ATP2B2: variants seen among roughly 807,000 people sequenced by gnomAD.
ATP2B2 encodes ATPase plasma membrane Ca2+ transporting 2.
Under a neutral mutation model 120.0 loss-of-function variants are expected in ATP2B2, and 15 were observed. The observed-to-expected ratio is 0.12, with a 90% CI of 0.08 to 0.19. The LOEUF (loss-of-function observed/expected upper bound fraction) is 0.19, where lower values mean the gene tolerates loss of function less well. ATP2B2 is among the 10% of genes least tolerant of loss of function. The pLI, the probability that ATP2B2 is intolerant of heterozygous loss-of-function variation, is 1.00. For synonymous variants in ATP2B2, 694 were observed against 700.3 expected (o/e 0.99, Z 0.14); for missense variants, 1,045 against 1,719.8 (o/e 0.61, Z 6.94).
At chr3:10,703,328 C>G (rs2071848290) in intron 1 of ATP2B2, among the ~76,000 whole-genome samples, 1 of 152,176 alleles carries the variant, frequency 6.6e-6, no homozygotes, top group Non-Finnish European at 1.5e-5. Context: ...CTGAGTGAAG[C>G]CTACCTGGGC....
intron 2 of ATP2B2, among the ~76,000 whole-genome samples, chr3:10,590,991 T>A (rs1398699260): frequency 6.6e-6 from 1 of 151,964 alleles, no homozygotes; most frequent in Non-Finnish European, 1.5e-5. Context: ...CCGTGCCCTG[T>A]CCCTGTAGGT....
At chr3:10,380,163 G>A (rs1417451174) in intron 8 of ATP2B2, among the ~76,000 whole-genome samples, 2 of 152,326 alleles carry the variant, frequency 1.3e-5, no homozygotes, top group East Asian at 1.9e-4. Flanking sequence ...GCCCCCCACC[G>A]ACTCATCAGA....
intron 2 of ATP2B2, among the ~76,000 whole-genome samples, chr3:10,424,823 T>G (rs1460288882): frequency 3.3e-5 from 5 of 152,222 alleles, no homozygotes; most frequent in African/African-American, 1.2e-4. Flanking sequence ...TCCACTTATG[T>G]AAAACAGAAA....
chr3:10,570,940 C>T (rs1392069064), intron 2 of ATP2B2, among the ~76,000 whole-genome samples: 1 of 152,236 alleles, frequency 6.6e-6, no homozygotes, highest in Non-Finnish European at 1.5e-5. Context: ...TTCTCACTGC[C>T]ATTACTGAAG....
At chr3:10,547,567 T>C (rs1482611188) in intron 2 of ATP2B2, among the ~76,000 whole-genome samples, 1 of 152,206 alleles carries the variant, frequency 6.6e-6, no homozygotes, top group Non-Finnish European at 1.5e-5. Flanking sequence ...AGCACTCTTA[T>C]GCCCATTATT....
chr3:10,640,382 C>A (rs764320489), intron 1 of ATP2B2, among the ~76,000 whole-genome samples: 9 of 152,174 alleles, frequency 5.9e-5, no homozygotes, highest in Non-Finnish European at 1.0e-4. Flanking sequence ...CGGCCTCTTC[C>A]TTCTCTGTCA....
At chr3:10,430,015 G>T in intron 2 of ATP2B2, among the ~76,000 whole-genome samples, 1 of 152,188 alleles carries the variant, frequency 6.6e-6, no homozygotes, top group East Asian at 1.9e-4. Context: ...AAGAAAAGTT[G>T]GAAGCTAGCA....
chr3:10,677,419 A>T (rs1473369576), intron 1 of ATP2B2, among the ~76,000 whole-genome samples: 1 of 152,148 alleles, frequency 6.6e-6, no homozygotes, highest in Non-Finnish European at 1.5e-5. Flanking sequence ...GGAGGGATGG[A>T]TAGGTGGAGC....
At chr3:10,588,290 A>G (rs1378982014) in intron 2 of ATP2B2, among the ~76,000 whole-genome samples, 1 of 152,142 alleles carries the variant, frequency 6.6e-6, no homozygotes, top group Non-Finnish European at 1.5e-5. Flanking sequence ...AAATGTCCCT[A>G]GGGGTAAGGG....
intron 2 of ATP2B2, among the ~76,000 whole-genome samples, chr3:10,419,550 CT>C (rs2062902316): frequency 6.6e-6 from 1 of 152,222 alleles, no homozygotes; most frequent in African/African-American, 2.4e-5. Context: ...ATCGGGAGAC[CT>C]GGTTGGCATC....
chr3:10,572,818 T>C (rs780124325), intron 2 of ATP2B2, among the ~76,000 whole-genome samples: 12 of 152,116 alleles, frequency 7.9e-5, no homozygotes, highest in African/African-American at 2.4e-4. Context: ...AGTCTCTTCA[T>C]TGGGGGAAAC....
rs1372011177 is a variant in ATP2B2, at chr3:10,328,124, T to C, written c.*690A>G. ...TTATATATCCATGTATATATATTTA[T>C]ATATATATATATATATCTACCTATC... On this transcript the variant is annotated 3_prime_UTR_variant, in exon 23 of 23. Coordinates refer to ENST00000360273, the MANE Select transcript of ATP2B2 (RefSeq NM_001001331.4). 3 of 144,920 alleles carry C rather than the reference T, an allele frequency of 2.1e-5. No individual in the cohort carries two copies. The highest frequency in any genetic ancestry group is 2.0e-4 in the Admixed American group (3 of 14,688). The allele number at this position is 144,920 out of a possible 1,614,324, so 9.0% of individuals were successfully genotyped here. A position where few individuals can be genotyped will look rare whatever the true frequency, so the allele number is the denominator to read the frequency against.
At chr3:10,624,786 G>A (rs2069648997) in intron 1 of ATP2B2, among the ~76,000 whole-genome samples, 1 of 152,228 alleles carries the variant, frequency 6.6e-6, no homozygotes, top group Non-Finnish European at 1.5e-5. Context: ...ATTAACTAAA[G>A]AGGAAAAGCA....
chr3:10,369,934 C>T lies in ATP2B2; in HGVS notation c.1659+1875G>A, dbSNP rs113598042. On this transcript the variant is annotated intron_variant, in intron 12 of 22. Coordinates refer to ENST00000360273, the MANE Select transcript of ATP2B2 (RefSeq NM_001001331.4). ...AACTTACAAGAAAGACCCAGAAAGACAGGCGCAGGTATCTATGATGCCAGG... is the reference window on the plus strand; with the variant it reads ...AACTTACAAGAAAGACCCAGAAAGATAGGCGCAGGTATCTATGATGCCAGG... Among the ~76,000 whole-genome samples the T allele has an allele frequency of 2.8e-3, 425 of 152,304 alleles. 1 individual carries two copies. Among genetic ancestry groups the T allele is most frequent in the African/African-American group, 9.7e-3 (404 of 41,556 alleles).
intron 1 of ATP2B2, among the ~76,000 whole-genome samples, chr3:10,493,130 C>G (rs1462306365): frequency 6.6e-6 from 1 of 152,170 alleles, no homozygotes; most frequent in African/African-American, 2.4e-5. Flanking sequence ...TTCCTGCCCT[C>G]AAGCTACTGA....
At position 10,552,326 on chromosome 3, in the gene ATP2B2, G is replaced by A. The variant is rs554320524; in HGVS notation, c.-414-18193C>T. Among the ~76,000 whole-genome samples, 12 of 152,366 alleles carry A rather than the reference G, an allele frequency of 7.9e-5. No homozygotes were observed. The South Asian group carries it at 2.1e-3, about 26-fold the overall frequency. ...AGGTGAGTGGGGCACAGAGGGAACA[G>A]CTTTCGTCAGCCGAACCCCCTTGCT... On this transcript the variant is annotated intron_variant, in intron 2 of 21. Transcript: ENST00000646379.
At chr3:10,586,945 T>G (rs76938773) in intron 2 of ATP2B2, among the ~76,000 whole-genome samples, 4,231 of 152,232 alleles carry the variant, frequency 0.028, 186 homozygotes, top group African/African-American at 0.096. Flanking sequence ...CCTCCCCATC[T>G]CTGCCTCACA....
At chr3:10,452,598 C>A (rs1451511850) in intron 1 of ATP2B2, among the ~76,000 whole-genome samples, 6 of 152,052 alleles carry the variant, frequency 3.9e-5, no homozygotes. Flanking sequence ...AAATGGGCTA[C>A]AATTGGGGCA....
At chr3:10,443,334 G>A (rs1398679030) in intron 2 of ATP2B2, among the ~76,000 whole-genome samples, 1 of 152,022 alleles carries the variant, frequency 6.6e-6, no homozygotes, top group Non-Finnish European at 1.5e-5. Flanking sequence ...ATCTCCTTGG[G>A]GTCTTGGTGG....
Sources: allele counts gnomAD v4.1 joint callset (sites outside exome capture counted in the v4.1 genomes callset), GRCh38; gene constraint gnomAD v4.1.1; transcripts MANE v1.5; gene names NCBI Gene and HGNC (gene_info 2026-07-23, HGNC 2026-07-21).